CCDC73: variants seen among roughly 807,000 people sequenced by gnomAD.
CCDC73 encodes the protein coiled-coil domain containing 73, also known as coiled-coil domain-containing protein 73.
Under a neutral mutation model 116.5 loss-of-function variants are expected in CCDC73, and 95 were observed. The ratio of observed to expected loss-of-function variants is 0.82; its 90% CI spans 0.69 to 0.97. CCDC73 has a LOEUF of 0.97. Among genes scored for constraint, CCDC73 ranks in the 50% least tolerant of loss-of-function variants. The pLI, the probability that CCDC73 is intolerant of heterozygous loss-of-function variation, is 0.00. For synonymous variants in CCDC73, 398 were observed against 401.3 expected (o/e 0.99, Z 0.10); for missense variants, 1,066 against 1,206.8 (o/e 0.88, Z 1.73).
chr11:32,602,863 G>A lies in CCDC73; in HGVS notation c.3188C>T (p.Pro1063Leu). The change falls in exon 18 of 18, where the codon CCA (proline) becomes CTA (leucine). Residue 1063 changes from proline (P) to leucine (L), a missense_variant. By Grantham distance (98) the Pro-to-Leu change is moderately conservative. Coordinates refer to ENST00000335185, the MANE Select transcript of CCDC73 (RefSeq NM_001008391.4). ...CGTCTCTTCTGCTTTTCTTTTCTTT[G>A]GCTGGTTGTCATTTTCTAAACTTAG... ...NLLSLENDNQ[P>L]KKRKAEETLE... is the part of the protein sequence containing the mutation. The A allele has an allele frequency of 6.2e-7, 1 of 1,609,598 alleles. No individual in the cohort carries two copies. Among genetic ancestry groups the A allele is most frequent in the Non-Finnish European group, 8.5e-7 (1 of 1,178,170 alleles).
At chr11:32,726,684 T>A (rs1009886000) in intron 2 of CCDC73, among the ~76,000 whole-genome samples, 1 of 152,290 alleles carries the variant, frequency 6.6e-6, no homozygotes, top group Admixed American at 6.5e-5. Flanking sequence ...AAATCAATTA[T>A]AGGCTTGGCC....
At chr11:32,671,204 TGG>T (rs1223049732) in intron 9 of CCDC73, among the ~76,000 whole-genome samples, 1 of 152,088 alleles carries the variant, frequency 6.6e-6, no homozygotes, top group African/African-American at 2.4e-5. Context: ...CTTTCTGGTA[TGG>T]GGTAGTCTGT....
upstream of CCDC73, among the ~76,000 whole-genome samples, chr11:32,797,584 C>T (rs544764382): frequency 5.9e-5 from 9 of 152,334 alleles, no homozygotes; most frequent in South Asian, 1.9e-3. Flanking sequence ...CTCGACTCTA[C>T]ATATCTTTAT....
intron 14 of CCDC73, among the ~76,000 whole-genome samples, chr11:32,630,376 G>A (rs528273956): frequency 2.1e-5 from 3 of 144,790 alleles, no homozygotes; most frequent in East Asian, 3.9e-4. Context: ...ATGGAGTCTC[G>A]CTCTGTTGCC....
intron 14 of CCDC73, among the ~76,000 whole-genome samples, chr11:32,623,888 T>G (rs906968277): frequency 6.6e-6 from 1 of 152,140 alleles, no homozygotes; most frequent in Non-Finnish European, 1.5e-5. Flanking sequence ...ATATAACTGA[T>G]AAACATATAA....
At chr11:32,660,458 T>C (rs144880676) in intron 9 of CCDC73, among the ~76,000 whole-genome samples, 2 of 152,060 alleles carry the variant, frequency 1.3e-5, no homozygotes, top group Non-Finnish European at 2.9e-5. Context: ...TGCTTTTTCA[T>C]ACATTTTATA....
At chr11:32,663,510 AT>A (rs1855950393) in intron 9 of CCDC73, among the ~76,000 whole-genome samples, 1 of 152,034 alleles carries the variant, frequency 6.6e-6, no homozygotes, top group Non-Finnish European at 1.5e-5. Flanking sequence ...GATGCTTGTG[AT>A]TTTTTGCACA....
the CCDC73 span, among the ~76,000 whole-genome samples, chr11:32,814,506 G>A: frequency 6.0e-4 from 92 of 152,214 alleles, no homozygotes; most frequent in African/African-American, 2.1e-3. Context: ...TAAGATGGCC[G>A]TAACAACAAA....
At chr11:32,620,245 G>A (rs1855511589) in intron 14 of CCDC73, among the ~76,000 whole-genome samples, 1 of 152,084 alleles carries the variant, frequency 6.6e-6, no homozygotes, top group African/African-American at 2.4e-5. Flanking sequence ...TGGCTGGGGT[G>A]CCTAAATTCT....
At position 32,614,033 on chromosome 11, in the gene CCDC73, T is replaced by C; in HGVS notation, c.2285A>G (p.Asn762Ser). Reference sequence around the variant, plus strand: ...AGTGTTTTCTAAGTATCCCAAACAGTTATTAAATTGACTGTTTTGCATATC... The same window carrying C: ...AGTGTTTTCTAAGTATCCCAAACAGCTATTAAATTGACTGTTTTGCATATC... ...MSDMQNSQFN[N>S]CLGYLENTNV... Residue 762 changes from asparagine (N) to serine (S), a missense_variant, in exon 16 of 18, where the codon AAC becomes AGC. Asn to Ser is a conservative substitution (Grantham distance 46). Coordinates refer to ENST00000335185, the MANE Select transcript of CCDC73 (RefSeq NM_001008391.4). The C allele has an allele frequency of 6.2e-7, 1 of 1,612,368 alleles. No individual in the cohort carries two copies. Among genetic ancestry groups the C allele is most frequent in the Non-Finnish European group, 8.5e-7 (1 of 1,179,840 alleles).
intron 13 of CCDC73, among the ~76,000 whole-genome samples, chr11:32,636,369 A>G (rs1565062992): frequency 6.6e-6 from 1 of 152,124 alleles, no homozygotes; most frequent in Non-Finnish European, 1.5e-5. Flanking sequence ...CTAAGCACTA[A>G]GTGGTACCAC....
chr11:32,662,120 T>C (rs953773238), intron 9 of CCDC73, among the ~76,000 whole-genome samples: 2 of 152,260 alleles, frequency 1.3e-5, no homozygotes, highest in African/African-American at 4.8e-5. Context: ...GTCTTTGCTA[T>C]TGTGAATAGT....
intron 17 of CCDC73, among the ~76,000 whole-genome samples, chr11:32,609,214 T>G (rs531146265): frequency 1.3e-5 from 2 of 152,314 alleles, no homozygotes; most frequent in African/African-American, 4.8e-5. Flanking sequence ...TTTTCCAAAC[T>G]TTTATGCTGT....
intron 9 of CCDC73, among the ~76,000 whole-genome samples, chr11:32,660,294 G>A (rs1197761882): frequency 6.9e-6 from 1 of 145,368 alleles, no homozygotes; most frequent in Non-Finnish European, 1.5e-5. Flanking sequence ...ATCACGCCCT[G>A]AGAAGTTTTA....
chr11:32,619,933 G>T (rs1554961244), intron 14 of CCDC73, among the ~76,000 whole-genome samples: 1 of 152,072 alleles, frequency 6.6e-6, no homozygotes, highest in Non-Finnish European at 1.5e-5. Flanking sequence ...TGCTTACAGA[G>T]AGTGTATTTT....
At chr11:32,712,119 C>A (rs940468656) in intron 3 of CCDC73, among the ~76,000 whole-genome samples, 11 of 152,104 alleles carry the variant, frequency 7.2e-5, no homozygotes, top group Non-Finnish European at 8.8e-5. Context: ...TACTTTCTCC[C>A]CCACACATTT....
chr11:32,714,516 T>A (rs1416874819), intron 3 of CCDC73, among the ~76,000 whole-genome samples: 2 of 152,006 alleles, frequency 1.3e-5, no homozygotes, highest in Non-Finnish European at 2.9e-5. Context: ...AAAACAAATA[T>A]CCTGAAACCA....
At chr11:32,691,708 G>T (rs7118792) in intron 6 of CCDC73, among the ~76,000 whole-genome samples, 88,484 of 151,756 alleles carry the variant, frequency 0.58, 26,115 homozygotes, top group East Asian at 0.84. Context: ...TAATTTTAAT[G>T]AAGTCCAGCT....
chr11:32,716,190 T>G (rs770109951), intron 3 of CCDC73, among the ~76,000 whole-genome samples: 2 of 152,166 alleles, frequency 1.3e-5, no homozygotes, highest in Admixed American at 6.5e-5. Context: ...GCTAACAACA[T>G]ATGAAAGTTC....
Sources: allele counts gnomAD v4.1 joint callset (sites outside exome capture counted in the v4.1 genomes callset), GRCh38; gene constraint gnomAD v4.1.1; transcripts MANE v1.5; gene names NCBI Gene and HGNC (gene_info 2026-07-23, HGNC 2026-07-21).